SLC25A21: variants seen among roughly 807,000 people sequenced by gnomAD.
The protein encoded by SLC25A21 is mitochondrial 2-oxodicarboxylate carrier.
In SLC25A21, 47 loss-of-function variants were observed where a neutral mutation model predicts 43.8. The ratio of observed to expected loss-of-function variants is 1.07; its 90% CI spans 0.85 to 1.37. The LOEUF (loss-of-function observed/expected upper bound fraction) is 1.37, where lower values mean the gene tolerates loss of function less well. SLC25A21 is among the 40% of genes most tolerant of loss of function. The probability of loss-of-function intolerance (pLI) is 0.00; values close to 1 mark genes in which losing one functional copy is unlikely to be tolerated. For synonymous variants in SLC25A21, 131 were observed against 121.3 expected (o/e 1.08, Z -0.52); for missense variants, 352 against 350.2 (o/e 1.00, Z -0.04).
At chr14:36,886,345 ATGT>A in intron 1 of SLC25A21, among the ~76,000 whole-genome samples, 1 of 152,326 alleles carries the variant, frequency 6.6e-6, no homozygotes. Flanking sequence ...GGTTTGAAAG[ATGT>A]TGTTAAAAGT....
Position 36,678,926 on chromosome 14 carries a change from G to A in SLC25A21, c.*1732C>T, listed in dbSNP as rs1882045285. The A allele has an allele frequency of 1.0e-6, 1 of 979,356 alleles. No individual in the cohort carries two copies. The highest frequency in any genetic ancestry group is 6.1e-5 in the Admixed American group (1 of 16,418). The allele number at this position is 979,356 out of a possible 1,614,324, so 60.7% of individuals were successfully genotyped here. ...TTTTTAAAATACGAGAAGGAAAATA[G>A]GATGGATTAAAGGGTTAACTTTTAA... On this transcript the variant is annotated 3_prime_UTR_variant, in exon 10 of 10. Transcript: ENST00000331299.
intron 3 of SLC25A21, among the ~76,000 whole-genome samples, chr14:36,736,777 T>C (rs539794483): frequency 8.3e-4 from 127 of 152,330 alleles, no homozygotes; most frequent in Middle Eastern, 3.4e-3. Context: ...GGGAGAAATA[T>C]GGTGAACATG....
At chr14:36,812,261 A>C (rs992601469) in intron 3 of SLC25A21, among the ~76,000 whole-genome samples, 8 of 152,158 alleles carry the variant, frequency 5.3e-5, no homozygotes, top group African/African-American at 1.9e-4. Flanking sequence ...GATATATCAA[A>C]TAATGATTTA....
At chr14:36,896,049 A>G (rs1485215247) in intron 1 of SLC25A21, among the ~76,000 whole-genome samples, 2 of 152,174 alleles carry the variant, frequency 1.3e-5, no homozygotes, top group Admixed American at 6.5e-5. Context: ...GTAGATGTCT[A>G]TTAGGTCTGC....
chr14:36,840,668 T>G (rs1889357533), intron 2 of SLC25A21, among the ~76,000 whole-genome samples: 1 of 152,242 alleles, frequency 6.6e-6, no homozygotes, highest in South Asian at 2.1e-4. Flanking sequence ...AATGTTGCTA[T>G]CTAAAAGTTT....
chr14:36,996,384 G>A (rs551508218), intron 1 of SLC25A21, among the ~76,000 whole-genome samples: 1 of 152,156 alleles, frequency 6.6e-6, no homozygotes, highest in South Asian at 2.1e-4. Flanking sequence ...ATAATACAGT[G>A]GTTAAAAGAA....
chr14:37,013,706 C>G (rs1295460355), intron 1 of SLC25A21, among the ~76,000 whole-genome samples: 1 of 152,122 alleles, frequency 6.6e-6, no homozygotes, highest in Admixed American at 6.6e-5. Context: ...ATAAGTCATC[C>G]AGTAACAAAT....
intron 1 of SLC25A21, among the ~76,000 whole-genome samples, chr14:37,160,121 A>C (rs1824528792): frequency 6.6e-6 from 1 of 152,206 alleles, no homozygotes; most frequent in Non-Finnish European, 1.5e-5. Context: ...ATGAGAATGT[A>C]AACTAGTATA....
At chr14:36,757,768 C>T (rs558554416) in intron 3 of SLC25A21, among the ~76,000 whole-genome samples, 5 of 152,292 alleles carry the variant, frequency 3.3e-5, no homozygotes, top group Admixed American at 1.3e-4. Context: ...TTCTGTTTAC[C>T]TTTTGATGCC....
chr14:37,101,601 T>C (rs541847185), intron 1 of SLC25A21, among the ~76,000 whole-genome samples: 1 of 152,190 alleles, frequency 6.6e-6, no homozygotes, highest in Non-Finnish European at 1.5e-5. Context: ...TGTTCAGTAA[T>C]GGAATAATGG....
At chr14:36,828,197 T>TA (rs5807912) in intron 2 of SLC25A21, among the ~76,000 whole-genome samples, 145,808 of 152,014 alleles carry the variant, frequency 0.96, 70,222 homozygotes, top group East Asian at 1. Context: ...AACTGTCCAC[T>TA]AAACCTCCTG....
At chr14:36,869,235 C>T (rs1594654023) in intron 2 of SLC25A21, among the ~76,000 whole-genome samples, 1 of 152,148 alleles carries the variant, frequency 6.6e-6, no homozygotes, top group Non-Finnish European at 1.5e-5. Context: ...CTCTGGAATT[C>T]CTTGCATTGA....
intron 1 of SLC25A21, among the ~76,000 whole-genome samples, chr14:37,025,821 G>A (rs1961080748): frequency 6.6e-6 from 1 of 152,104 alleles, no homozygotes; most frequent in Non-Finnish European, 1.5e-5. Context: ...ATGCAATTTA[G>A]CAACGCCTGT....
chr14:37,137,040 G>C (rs1211621379), intron 1 of SLC25A21, among the ~76,000 whole-genome samples: 1 of 151,984 alleles, frequency 6.6e-6, no homozygotes, highest in Non-Finnish European at 1.5e-5. Flanking sequence ...TCGCTCTGTC[G>C]CCCAGGCTGG....
chr14:36,829,971 C>T (rs193272466), intron 2 of SLC25A21, among the ~76,000 whole-genome samples: 1 of 151,828 alleles, frequency 6.6e-6, no homozygotes, highest in Non-Finnish European at 1.5e-5. Flanking sequence ...ACTGAGAGAG[C>T]TGACTATTGC....
At chr14:37,167,970 C>G (rs991143321) in intron 1 of SLC25A21, among the ~76,000 whole-genome samples, 1 of 152,082 alleles carries the variant, frequency 6.6e-6, no homozygotes, top group Non-Finnish European at 1.5e-5. Flanking sequence ...ACAGCTGGCT[C>G]TGAGTGAATT....
At position 36,678,692 on chromosome 14, in the gene SLC25A21, T is replaced by C. The variant is rs1882028137; in HGVS notation, c.*1966A>G. On this transcript the variant is annotated 3_prime_UTR_variant, in exon 10 of 10. Transcript: ENST00000331299. Reference sequence around the variant, plus strand: ...CTTGCTTGTGTGGAAATGCAAATAATGTTATTTTCTTTATCTAAATTAAGA... The same window carrying C: ...CTTGCTTGTGTGGAAATGCAAATAACGTTATTTTCTTTATCTAAATTAAGA... 1.6e-6 allele frequency: 2 copies of C among 1,246,122 alleles called. No homozygotes were observed. The highest frequency in any genetic ancestry group is 3.6e-5 in the South Asian group (1 of 28,024). The allele number at this position is 1,246,122 out of a possible 1,614,324, so 77.2% of individuals were successfully genotyped here.
chr14:37,036,778 G>A (rs1237218164), intron 1 of SLC25A21, among the ~76,000 whole-genome samples: 1 of 152,122 alleles, frequency 6.6e-6, no homozygotes, highest in Non-Finnish European at 1.5e-5. Flanking sequence ...AAGGGGAAGT[G>A]GTTTCTCAAC....
chr14:37,028,209 CT>C (rs999706459), intron 1 of SLC25A21, among the ~76,000 whole-genome samples: 7 of 151,668 alleles, frequency 4.6e-5, no homozygotes, highest in Admixed American at 1.3e-4. Context: ...CAGTGTAAAT[CT>C]TTTTTTTAAT....
Sources: gnomAD v4.1 joint callset for allele counts (sites outside exome capture counted in the v4.1 genomes callset) on GRCh38, gnomAD v4.1.1 for gene constraint, MANE v1.5 for transcripts, NCBI Gene and HGNC (gene_info 2026-07-23, HGNC 2026-07-21) for gene names.